Variants in PCDH15 observed in about 807,000 individuals in gnomAD.
PCDH15 encodes protocadherin related 15, also known as protocadherin-15.
PCDH15 carries 129 observed loss-of-function variants against 178.5 expected under a neutral mutation model. The ratio of observed to expected loss-of-function variants is 0.72; its 90% CI spans 0.63 to 0.84. The LOEUF (loss-of-function observed/expected upper bound fraction) is 0.84, where lower values mean the gene tolerates loss of function less well. PCDH15 is among the 40% of genes least tolerant of loss of function. PCDH15 has a pLI of 0.00. For missense variants in PCDH15, 2,230 were observed against 2,099.9 expected, an observed-to-expected ratio of 1.06 and a Z score of -1.21; for synonymous variants, 800 against 732.0, an observed-to-expected ratio of 1.09 and a Z score of -1.50.
At chr10:54,743,508 G>A (rs1286837658) in intron 1 of PCDH15, among the ~76,000 whole-genome samples, 1 of 151,960 alleles carries the variant, frequency 6.6e-6, no homozygotes, top group African/African-American at 2.4e-5. Context: ...GGAGAAAAAA[G>A]TTTGGAGATC....
chr10:54,986,834 A>G (rs1839379397), intron 2 of PCDH15, among the ~76,000 whole-genome samples: 1 of 152,190 alleles, frequency 6.6e-6, no homozygotes, highest in African/African-American at 2.4e-5. Flanking sequence ...TTTACATAGT[A>G]AAACTTGCCA....
chr10:53,863,363 A>G (rs949443728), intron 27 of PCDH15, among the ~76,000 whole-genome samples: 4 of 152,158 alleles, frequency 2.6e-5, no homozygotes, highest in African/African-American at 4.8e-5. Context: ...ACAAGGGAGT[A>G]TGGTGGGTGG....
At chr10:54,052,403 G>T (rs1049937291) in intron 18 of PCDH15, among the ~76,000 whole-genome samples, 1 of 152,212 alleles carries the variant, frequency 6.6e-6, no homozygotes. Flanking sequence ...ACTTGTATGT[G>T]AGACATGGAA....
At chr10:54,636,921 A>G (rs920393749) in intron 2 of PCDH15, among the ~76,000 whole-genome samples, 11 of 152,022 alleles carry the variant, frequency 7.2e-5, no homozygotes, top group African/African-American at 2.7e-4. Flanking sequence ...AACTATAGCC[A>G]TATTGAGACA....
intron 3 of PCDH15, among the ~76,000 whole-genome samples, chr10:54,388,121 G>T (rs115479355): frequency 0.015 from 2,350 of 152,242 alleles, 68 homozygotes; most frequent in African/African-American, 0.054. Context: ...GTTTACATCT[G>T]TTCCTCTTGC....
chr10:54,583,974 C>G (rs1244628964), intron 2 of PCDH15, among the ~76,000 whole-genome samples: 1 of 151,892 alleles, frequency 6.6e-6, no homozygotes, highest in Non-Finnish European at 1.5e-5. Context: ...AAGAAATATA[C>G]CATGTTTTCT....
At chr10:55,369,723 A>G (rs1437112323) in intron 2 of PCDH15, among the ~76,000 whole-genome samples, 1 of 152,104 alleles carries the variant, frequency 6.6e-6, no homozygotes, top group Non-Finnish European at 1.5e-5. Flanking sequence ...ATGTGAGATC[A>G]TATTATCTAA....
intron 1 of PCDH15, among the ~76,000 whole-genome samples, chr10:55,200,540 C>T (rs568590407): frequency 2.9e-4 from 44 of 152,088 alleles, no homozygotes; most frequent in Non-Finnish European, 5.1e-4. Flanking sequence ...AATCCTGGAA[C>T]GAGTTAAGAC....
intron 1 of PCDH15, among the ~76,000 whole-genome samples, chr10:55,209,275 A>T (rs932632679): frequency 6.6e-6 from 1 of 152,172 alleles, no homozygotes; most frequent in Admixed American, 6.5e-5. Context: ...AACTGAGATG[A>T]TGCAGAACCT....
chr10:54,243,322 C>A (rs2055595429), intron 8 of PCDH15, among the ~76,000 whole-genome samples: 1 of 152,248 alleles, frequency 6.6e-6, no homozygotes, highest in South Asian at 2.1e-4. Flanking sequence ...TCCTGGCTAA[C>A]ACGGTGAAAC....
intron 15 of PCDH15, among the ~76,000 whole-genome samples, chr10:54,120,950 A>C (rs764799188): frequency 2.0e-4 from 31 of 152,138 alleles, no homozygotes; most frequent in Non-Finnish European, 3.7e-4. Flanking sequence ...TCCAATATGC[A>C]TCTACAGAAT....
chr10:54,324,947 T>A (rs1045806028), intron 7 of PCDH15, among the ~76,000 whole-genome samples: 3 of 152,024 alleles, frequency 2.0e-5, no homozygotes, highest in Non-Finnish European at 4.4e-5. Context: ...TGAATTAGGG[T>A]AACATATCAA....
chr10:54,036,920 G>A (rs1345358050), intron 18 of PCDH15, among the ~76,000 whole-genome samples: 1 of 151,868 alleles, frequency 6.6e-6, no homozygotes, highest in East Asian at 1.9e-4. Flanking sequence ...ATTAATAGAA[G>A]CTTGGAAGAA....
intron 2 of PCDH15, among the ~76,000 whole-genome samples, chr10:55,132,381 T>C (rs1434271477): frequency 1.3e-5 from 2 of 152,202 alleles, no homozygotes; most frequent in Non-Finnish European, 2.9e-5. Context: ...ATAAATCTAA[T>C]TCTCCTTTTG....
intron 2 of PCDH15, among the ~76,000 whole-genome samples, chr10:55,445,292 G>T (rs1839291004): frequency 6.6e-6 from 1 of 151,688 alleles, no homozygotes; most frequent in Non-Finnish European, 1.5e-5. Context: ...CTGCATCCAT[G>T]GTAAATAATC....
intron 2 of PCDH15, among the ~76,000 whole-genome samples, chr10:55,387,977 T>A (rs1256760632): frequency 6.6e-6 from 1 of 152,092 alleles, no homozygotes; most frequent in South Asian, 2.1e-4. Flanking sequence ...CTGGCTATTA[T>A]TTAAAATGCA....
chr10:54,018,423 GTAAATTCTGC>G, intron 20 of PCDH15, among the ~76,000 whole-genome samples: 1 of 152,136 alleles, frequency 6.6e-6, no homozygotes, highest in African/African-American at 2.4e-5. Flanking sequence ...ATTATCATAG[GTAAATTCTGC>G]TAAACAATTC....
At chr10:55,041,018 A>C (rs1840851873) in intron 2 of PCDH15, among the ~76,000 whole-genome samples, 1 of 152,102 alleles carries the variant, frequency 6.6e-6, no homozygotes, top group Non-Finnish European at 1.5e-5. Flanking sequence ...TTACAAGATA[A>C]ATATTTTCTC....
intron 17 of PCDH15, among the ~76,000 whole-genome samples, chr10:54,077,440 C>G (rs892054908): frequency 8.5e-5 from 13 of 152,222 alleles, no homozygotes; most frequent in Admixed American, 4.6e-4. Flanking sequence ...GTCTAAGAAA[C>G]TTTAAGGACA....
Sources: allele counts gnomAD v4.1 joint callset (sites outside exome capture counted in the v4.1 genomes callset), GRCh38; gene constraint gnomAD v4.1.1; transcripts MANE v1.5; gene names NCBI Gene and HGNC (gene_info 2026-07-23, HGNC 2026-07-21).